The following USP7 variants were observed in gnomAD, a reference collection of about 807,000 sequenced individuals.
USP7 encodes the protein ubiquitin specific peptidase 7, also known as ubiquitin C-terminal hydrolase 7.
In USP7, 9 loss-of-function variants were observed where a neutral mutation model predicts 162.9. The observed-to-expected ratio is 0.06, with a 90% CI of 0.03 to 0.10. The LOEUF (loss-of-function observed/expected upper bound fraction) is 0.10, where lower values mean the gene tolerates loss of function less well. USP7 is among the 10% of genes least tolerant of loss of function. The probability of loss-of-function intolerance (pLI) is 1.00; values close to 1 mark genes in which losing one functional copy is unlikely to be tolerated. For synonymous variants in USP7, 562 were observed against 475.9 expected (o/e 1.18, Z -2.35); for missense variants, 715 against 1,373.7 (o/e 0.52, Z 7.58).
intron 11 of USP7, 45 bp from the exon 12 acceptor site, chr16:8,908,495 C>T (rs1294850304): frequency 5.9e-6 from 9 of 1,520,302 alleles, no homozygotes; most frequent in Non-Finnish European, 8.1e-6. Context: ...CCTCTACTTA[C>T]TCCTGGAAGC....
chr16:8,946,442 CTT>C (rs1899284251), intron 1 of USP7, among the ~76,000 whole-genome samples: 2 of 152,106 alleles, frequency 1.3e-5, no homozygotes, highest in African/African-American at 4.8e-5. Flanking sequence ...TGTTGATCAA[CTT>C]TGCTCCAGAA....
At chr16:8,949,345 T>C (rs964623308) in intron 1 of USP7, among the ~76,000 whole-genome samples, 2 of 152,252 alleles carry the variant, frequency 1.3e-5, no homozygotes, top group African/African-American at 2.4e-5. Context: ...ATGCAATTGA[T>C]TGTTGGGTAC....
chr16:8,919,500 C>T (rs761548832), intron 5 of USP7, among the ~76,000 whole-genome samples: 1 of 151,992 alleles, frequency 6.6e-6, no homozygotes, highest in Non-Finnish European at 1.5e-5. Context: ...GTCAGCACAA[C>T]GTGGAAAAAG....
chr16:8,951,153 T>C (rs904654960), intron 1 of USP7, among the ~76,000 whole-genome samples: 2 of 128,980 alleles, frequency 1.6e-5, no homozygotes, highest in African/African-American at 5.7e-5. Context: ...GATTTCTGTA[T>C]TTAAAACTGT....
intron 10 of USP7, among the ~76,000 whole-genome samples, chr16:8,911,389 AATTAAGAATGGTAAC>A (rs1179326089): frequency 3.3e-5 from 5 of 152,222 alleles, no homozygotes; most frequent in African/African-American, 1.2e-4. Context: ...ATTTCCCTAA[AATTAAGAATGGTAAC>A]ATTAAGAGTG....
intron 1 of USP7, among the ~76,000 whole-genome samples, chr16:8,958,203 A>G (rs1346706955): frequency 2.6e-5 from 4 of 152,218 alleles, no homozygotes; most frequent in African/African-American, 9.6e-5. Context: ...GGTGGGGCAA[A>G]AAGTGCATGG....
chr16:8,946,145 C>T (rs2141255428), intron 1 of USP7, among the ~76,000 whole-genome samples: 1 of 152,310 alleles, frequency 6.6e-6, no homozygotes, highest in Non-Finnish European at 1.5e-5. Context: ...CTAAACCTCA[C>T]ACCTTATACA....
chr16:8,924,988 G>C (rs147210739), intron 2 of USP7, among the ~76,000 whole-genome samples: 3 of 152,204 alleles, frequency 2.0e-5, no homozygotes, highest in Admixed American at 6.5e-5. Flanking sequence ...GAGGATAGAA[G>C]TCTACTAAAA....
chr16:8,927,786 A>G (rs1898093801), intron 2 of USP7, among the ~76,000 whole-genome samples: 1 of 152,258 alleles, frequency 6.6e-6, no homozygotes, highest in African/African-American at 2.4e-5. Flanking sequence ...CAGTGAGCTG[A>G]GATCTTGCCA....
rs1391865790 is a variant in USP7, at chr16:8,899,657, G to C, written c.2410C>G (p.Pro804Ala). ...GTAACCACAAATCCAGGATCATTAG[G>C]GATTGTTTTATCACAGAAAATGACA... The part of the protein sequence containing the change: ...VDVIFCDKTI[P>A]NDPGFVVTLS... The change falls in exon 22 of 31, where the codon CCT becomes GCT. Residue 804 changes from proline (P) to alanine (A), a missense_variant. This residue lies in a region of USP7 where 222 missense variants were observed against 441.7 expected (regional missense o/e 0.50). Coordinates refer to ENST00000344836, the MANE Select transcript of USP7 (RefSeq NM_003470.3). The C allele has an allele frequency of 6.2e-7, 1 of 1,614,136 alleles. No homozygotes were observed. Among genetic ancestry groups the C allele is most frequent in the South Asian group, 1.1e-5 (1 of 91,082 alleles).
At chr16:8,940,256 T>C (rs906433071) in intron 1 of USP7, among the ~76,000 whole-genome samples, 5 of 152,186 alleles carry the variant, frequency 3.3e-5, no homozygotes, top group Admixed American at 6.5e-5. Context: ...CCAGGTCATA[T>C]ACACATCTGG....
intron 2 of USP7, among the ~76,000 whole-genome samples, chr16:8,925,224 C>G (rs1049080303): frequency 6.6e-6 from 1 of 152,142 alleles, no homozygotes; most frequent in African/African-American, 2.4e-5. Flanking sequence ...TTTGTCAAGA[C>G]ACTATGCACA....
intron 8 of USP7, 147 bp downstream of exon 8, chr16:8,916,355 A>T: frequency 1.3e-6 from 1 of 762,084 alleles, no homozygotes; most frequent in South Asian, 2.4e-5. Context: ...ATAACTAGAC[A>T]TCTGCTGCCT....
intron 1 of USP7, among the ~76,000 whole-genome samples, chr16:8,940,028 G>A (rs770155611): frequency 5.3e-5 from 8 of 152,172 alleles, no homozygotes; most frequent in African/African-American, 1.9e-4. Context: ...AACCAGGGAG[G>A]CGAAGGTTGT....
intron 1 of USP7, among the ~76,000 whole-genome samples, chr16:8,951,679 G>A (rs1899559490): frequency 6.6e-6 from 1 of 152,212 alleles, no homozygotes; most frequent in Non-Finnish European, 1.5e-5. Context: ...GAGACGCTGT[G>A]CACCTGCACC....
Position 8,893,599 on chromosome 16 carries a change from T to C in USP7, c.*399A>G. 1 of 197,554 alleles carries C rather than the reference T, an allele frequency of 5.1e-6. No homozygotes were observed. Among genetic ancestry groups the C allele is most frequent in the East Asian group, 1.2e-4 (1 of 8,628 alleles). 12.2% of individuals were successfully genotyped at this position (197,554 alleles called of 1,614,324 possible). On this transcript the variant is annotated 3_prime_UTR_variant, in exon 31 of 31. Transcript: ENST00000344836. Reference sequence around the variant, plus strand: ...CTGAAGGAAATAGGTCAGACGAGCCTAAACACAAGACTTGCTAGCTGCAGG... The same window carrying C: ...CTGAAGGAAATAGGTCAGACGAGCCCAAACACAAGACTTGCTAGCTGCAGG...
intron 1 of USP7, among the ~76,000 whole-genome samples, chr16:8,961,400 GA>G (rs1900002127): frequency 1.3e-5 from 2 of 148,666 alleles, no homozygotes; most frequent in Non-Finnish European, 3.0e-5. Flanking sequence ...GCTGAGGCAG[GA>G]AAATCGCTTG....
intron 26 of USP7, among the ~76,000 whole-genome samples, chr16:8,896,062 A>G: frequency 6.6e-6 from 1 of 151,580 alleles, no homozygotes; most frequent in African/African-American, 2.4e-5. Context: ...GATGGTCTCG[A>G]ACTCCTGACC....
chr16:8,934,364 G>A (rs184286265), intron 1 of USP7, among the ~76,000 whole-genome samples: 98 of 152,300 alleles, frequency 6.4e-4, no homozygotes, highest in Non-Finnish European at 1.2e-3. Context: ...GCTCAAAGAA[G>A]GGCTTGTTTG....
Sources: allele counts gnomAD v4.1 joint callset (sites outside exome capture counted in the v4.1 genomes callset), GRCh38; gene constraint gnomAD v4.1.1; regional missense constraint gnomAD v4.1.1; transcripts MANE v1.5; gene names NCBI Gene and HGNC (gene_info 2026-07-23, HGNC 2026-07-21).